PDSS2: variants seen among roughly 807,000 people sequenced by gnomAD.
PDSS2 encodes decaprenyl diphosphate synthase subunit 2.
A neutral mutation model predicts 44.5 loss-of-function variants in PDSS2; 31 were observed. That is an observed-to-expected ratio of 0.70 (90% CI 0.52 to 0.94). The LOEUF is 0.94. PDSS2 is among the 40% of genes least tolerant of loss of function. The pLI is 0.00. For synonymous variants in PDSS2, 157 were observed against 180.3 expected (o/e 0.87, Z 1.03); for missense variants, 452 against 482.2 (o/e 0.94, Z 0.59).
chr6:107,344,691 G>A (rs1270894913), intron 1 of PDSS2, among the ~76,000 whole-genome samples: 1 of 152,162 alleles, frequency 6.6e-6, no homozygotes, highest in Non-Finnish European at 1.5e-5. Context: ...AGGGGTTGTT[G>A]AGCAGGGACT....
chr6:107,401,804 G>T (rs1258082683), intron 1 of PDSS2, among the ~76,000 whole-genome samples: 7 of 152,036 alleles, frequency 4.6e-5, no homozygotes, highest in Non-Finnish European at 1.0e-4. Context: ...TTCAAAACTT[G>T]CAGACAGGCC....
intron 1 of PDSS2, among the ~76,000 whole-genome samples, chr6:107,453,435 T>C (rs991686650): frequency 1.3e-5 from 2 of 152,130 alleles, no homozygotes; most frequent in African/African-American, 4.8e-5. Context: ...TGTTCAATTG[T>C]TCCAGCCCTA....
chr6:107,402,910 T>A (rs908849486), intron 1 of PDSS2, among the ~76,000 whole-genome samples: 4 of 152,002 alleles, frequency 2.6e-5, no homozygotes, highest in African/African-American at 7.3e-5. Context: ...GGTAGAGACA[T>A]AGCCAAACCA....
chr6:107,215,881 A>T (rs1030258728), intron 4 of PDSS2, among the ~76,000 whole-genome samples: 2 of 152,212 alleles, frequency 1.3e-5, no homozygotes, highest in African/African-American at 4.8e-5. Flanking sequence ...TCATGCCTGT[A>T]ATCCCAGCAC....
chr6:107,341,334 T>C (rs950254543), intron 1 of PDSS2, among the ~76,000 whole-genome samples: 1 of 152,102 alleles, frequency 6.6e-6, no homozygotes, highest in East Asian at 1.9e-4. Context: ...AATGCTACCG[T>C]TAGTAGAGAT....
intron 3 of PDSS2, chr6:107,264,226 AG>A: frequency 8.1e-7 from 1 of 1,235,572 alleles, no homozygotes; most frequent in Non-Finnish European, 1.0e-6. Context: ...GATGGTGTAA[AG>A]GGAGATTTAT....
At chr6:107,269,957 G>A (rs199639217) in intron 3 of PDSS2, among the ~76,000 whole-genome samples, 10 of 151,984 alleles carry the variant, frequency 6.6e-5, no homozygotes, top group African/African-American at 2.4e-4. Flanking sequence ...GTGAGCCACC[G>A]TGCCCAAATG....
chr6:107,181,291 T>C (rs1209556161), intron 7 of PDSS2, among the ~76,000 whole-genome samples: 1 of 152,118 alleles, frequency 6.6e-6, no homozygotes, highest in Non-Finnish European at 1.5e-5. Flanking sequence ...TCCCAGCATT[T>C]TGGGAGGCTG....
At chr6:107,274,670 T>C (rs1012725302) in intron 2 of PDSS2, among the ~76,000 whole-genome samples, 115 of 142,000 alleles carry the variant, frequency 8.1e-4, no homozygotes, top group South Asian at 6.1e-3. Context: ...TCTCTCTCTT[T>C]TTTTTTTTTT....
At chr6:107,271,570 C>T (rs951736369) in intron 3 of PDSS2, among the ~76,000 whole-genome samples, 2 of 152,202 alleles carry the variant, frequency 1.3e-5, no homozygotes, top group Non-Finnish European at 2.9e-5. Context: ...TTGGGTGACA[C>T]ACTACACAGC....
intron 3 of PDSS2, among the ~76,000 whole-genome samples, chr6:107,263,323 G>A (rs1435252088): frequency 6.6e-6 from 1 of 152,030 alleles, no homozygotes; most frequent in Non-Finnish European, 1.5e-5. Flanking sequence ...CATGGTGGCA[G>A]GCGCCTGTAA....
intron 1 of PDSS2, among the ~76,000 whole-genome samples, chr6:107,335,068 T>C (rs920461991): frequency 2.0e-5 from 3 of 151,324 alleles, no homozygotes; most frequent in African/African-American, 7.3e-5. Context: ...CGGAGAATGA[T>C]TTGAGCCCAG....
intron 6 of PDSS2, among the ~76,000 whole-genome samples, chr6:107,208,383 A>G (rs933309497): frequency 1.4e-4 from 19 of 132,070 alleles, no homozygotes; most frequent in Non-Finnish European, 2.4e-4. Context: ...TGCAACCTCT[A>G]CCTCCCAGGT....
intron 3 of PDSS2, among the ~76,000 whole-genome samples, chr6:107,265,860 A>G (rs1775395234): frequency 6.6e-6 from 1 of 152,220 alleles, no homozygotes; most frequent in Non-Finnish European, 1.5e-5. Context: ...GAATCACTTG[A>G]ACCCGAGAGG....
At chr6:107,246,227 T>TG (rs1300534701) in intron 3 of PDSS2, among the ~76,000 whole-genome samples, 3 of 152,040 alleles carry the variant, frequency 2.0e-5, no homozygotes, top group Admixed American at 6.6e-5. Flanking sequence ...ACTTTTTTTT[T>TG]TTGTTAAATC....
At chr6:107,449,859 C>T (rs899313595) in intron 1 of PDSS2, among the ~76,000 whole-genome samples, 2 of 152,212 alleles carry the variant, frequency 1.3e-5, no homozygotes, top group Non-Finnish European at 2.9e-5. Context: ...GCATGAGCCA[C>T]TGTGCCTGGT....
intron 1 of PDSS2, among the ~76,000 whole-genome samples, chr6:107,381,949 T>C (rs1298349326): frequency 6.6e-6 from 1 of 152,204 alleles, no homozygotes; most frequent in Non-Finnish European, 1.5e-5. Flanking sequence ...GAGAACTTAC[T>C]AGAAGCTAAT....
intron 1 of PDSS2, among the ~76,000 whole-genome samples, chr6:107,341,008 G>A (rs895941217): frequency 2.0e-5 from 3 of 152,188 alleles, no homozygotes; most frequent in Non-Finnish European, 4.4e-5. Context: ...GTCTGCAAGG[G>A]AGAAATGTAA....
At chr6:107,428,579 G>C (rs548683032) in intron 1 of PDSS2, among the ~76,000 whole-genome samples, 1 of 152,158 alleles carries the variant, frequency 6.6e-6, no homozygotes, top group Non-Finnish European at 1.5e-5. Context: ...TGTAATCCCA[G>C]CACTTTGGGA....
Sources: allele counts gnomAD v4.1 joint callset (sites outside exome capture counted in the v4.1 genomes callset), GRCh38; gene constraint gnomAD v4.1.1; transcripts MANE v1.5; gene names NCBI Gene and HGNC (gene_info 2026-07-23, HGNC 2026-07-21).